The following COMMD1 variants were observed in gnomAD, a reference collection of about 807,000 sequenced individuals.
COMMD1 encodes the protein copper metabolism domain containing 1.
A neutral mutation model predicts 17.2 loss-of-function variants in COMMD1; 10 were observed. The ratio of observed to expected loss-of-function variants is 0.58; its 90% CI spans 0.36 to 0.99. COMMD1 has a LOEUF of 0.99. Among genes scored for constraint, COMMD1 ranks in the 50% least tolerant of loss-of-function variants. The pLI, the probability that COMMD1 is intolerant of heterozygous loss-of-function variation, is 0.01. For missense variants in COMMD1, 270 were observed against 231.8 expected, an observed-to-expected ratio of 1.17 and a Z score of -1.07; for synonymous variants, 97 against 91.6, an observed-to-expected ratio of 1.06 and a Z score of -0.34.
rs370907564 is a variant in COMMD1, at chr2:61,905,710, C to T, written c.32C>T (p.Pro11Leu). 1.5e-5 allele frequency: 24 copies of T among 1,599,724 alleles called. No individual in the cohort carries two copies. Among genetic ancestry groups the T allele is most frequent in the African/African-American group, 2.7e-5 (2 of 74,780 alleles). Residue 11 changes from proline to leucine, a missense_variant, in exon 1 of 3, where the codon CCC becomes CTC. Physicochemically the swap from Pro to Leu is moderately conservative, Grantham distance 98 (BLOSUM62 -3). Transcript: ENST00000311832. MAAGELEGGK[P>L]LSGLLNALAQ... ...GCGGGCGAGCTTGAGGGTGGCAAAC[C>T]CCTGAGCGGGCTGCTGAATGCGCTG...
rs995195067 is a variant in COMMD1 at position 61,898,460 on chromosome 2, A to G, written n.119+9618A>G. Among the ~76,000 whole-genome samples, 3 of 152,292 alleles carry G rather than the reference A, an allele frequency of 2.0e-5. No individual in the cohort carries two copies. The South Asian group carries it at 6.2e-4, about 32-fold the overall frequency. ...CACTGCACTGCAGCCTGGATGACAG[A>G]GTGAGACCCTGTCTCAAGAAAATAA... is the stretch of plus-strand genomic sequence containing the variant. On this transcript the variant is annotated intron_variant and non_coding_transcript_variant, in intron 1 of 2. Coordinates refer to the COMMD1 transcript ENST00000472729.
At chr2:62,049,489 T>C (rs972879067) in intron 2 of COMMD1, among the ~76,000 whole-genome samples, 3 of 152,106 alleles carry the variant, frequency 2.0e-5, no homozygotes, top group Middle Eastern at 3.2e-3. Context: ...GCTACTGATA[T>C]CTAGTGGATA....
chr2:62,119,495 CT>C (rs1672690053), intron 2 of COMMD1, among the ~76,000 whole-genome samples: 1 of 152,184 alleles, frequency 6.6e-6, no homozygotes, highest in African/African-American at 2.4e-5. Context: ...AAATCCAAAA[CT>C]TTTTTTCCCC....
At chr2:62,099,249 TA>T (rs1672105706) in intron 2 of COMMD1, among the ~76,000 whole-genome samples, 1 of 152,144 alleles carries the variant, frequency 6.6e-6, no homozygotes, top group South Asian at 2.1e-4. Context: ...AAATTTTTTT[TA>T]ACTTCCTAAA....
intron 1 of COMMD1, among the ~76,000 whole-genome samples, chr2:61,958,732 T>C (rs945354426): frequency 5.3e-5 from 8 of 152,210 alleles, no homozygotes; most frequent in Non-Finnish European, 1.2e-4. Flanking sequence ...TATAAATTTA[T>C]ATATTTTTAT....
At chr2:62,046,057 C>T (rs1335855345) in intron 2 of COMMD1, among the ~76,000 whole-genome samples, 5 of 152,166 alleles carry the variant, frequency 3.3e-5, no homozygotes. Flanking sequence ...TTATAAATTC[C>T]TCCCAATGTC....
chr2:61,893,691 A>G (rs1401371338), intron 1 of COMMD1, among the ~76,000 whole-genome samples: 2 of 152,008 alleles, frequency 1.3e-5, no homozygotes, highest in African/African-American at 4.8e-5. Flanking sequence ...GCACATGCCT[A>G]TAATCTCAGC....
At chr2:62,002,946 T>G (rs1668994401) in intron 2 of COMMD1, among the ~76,000 whole-genome samples, 1 of 151,854 alleles carries the variant, frequency 6.6e-6, no homozygotes, top group Non-Finnish European at 1.5e-5. Flanking sequence ...TAAAGTCAGT[T>G]CTCTTGCTGG....
chr2:61,965,421 C>A (rs1163605521), intron 1 of COMMD1, among the ~76,000 whole-genome samples: 1 of 152,274 alleles, frequency 6.6e-6, no homozygotes, highest in Admixed American at 6.5e-5. Flanking sequence ...ATAGGACCTT[C>A]AGAAAAACCA....
intron 1 of COMMD1, among the ~76,000 whole-genome samples, chr2:61,981,666 C>T (rs928901178): frequency 6.6e-6 from 1 of 152,070 alleles, no homozygotes; most frequent in African/African-American, 2.4e-5. Context: ...AGGTGAAAGG[C>T]ACATCTCACA....
At chr2:62,070,659 A>G (rs996589376) in intron 2 of COMMD1, among the ~76,000 whole-genome samples, 5 of 152,232 alleles carry the variant, frequency 3.3e-5, no homozygotes, top group African/African-American at 1.2e-4. Context: ...CCAGACCCCA[A>G]AAGGGTTCTT....
intron 2 of COMMD1, among the ~76,000 whole-genome samples, chr2:62,028,812 T>C (rs1013958369): frequency 4.6e-5 from 7 of 152,236 alleles, no homozygotes; most frequent in African/African-American, 1.7e-4. Flanking sequence ...GAACACTTGC[T>C]TGATGAATAC....
intron 2 of COMMD1, among the ~76,000 whole-genome samples, chr2:62,009,760 T>G (rs1199413092): frequency 6.6e-6 from 1 of 152,032 alleles, no homozygotes; most frequent in Non-Finnish European, 1.5e-5. Flanking sequence ...ACATACTTTG[T>G]GGAGAAGGGA....
intron 1 of COMMD1, among the ~76,000 whole-genome samples, chr2:61,907,628 A>C (rs922255041): frequency 6.6e-6 from 1 of 152,130 alleles, no homozygotes; most frequent in African/African-American, 2.4e-5. Context: ...ATTTTGATTC[A>C]TTTGTTTTGT....
intron 2 of COMMD1, among the ~76,000 whole-genome samples, chr2:62,111,490 A>G (rs1431303467): frequency 6.6e-6 from 1 of 152,296 alleles, no homozygotes; most frequent in African/African-American, 2.4e-5. Flanking sequence ...CTTTCGGTTC[A>G]GATTCTTATT....
chr2:62,090,929 A>G (rs1264975979), intron 2 of COMMD1: 1 of 152,220 alleles, frequency 6.6e-6, no homozygotes, highest in Non-Finnish European at 1.5e-5. Flanking sequence ...AGTACCTTTG[A>G]GCCTCATTTA....
chr2:62,019,106 TC>T lies in COMMD1; in HGVS notation c.462+18127del, dbSNP rs1669538720. Among the ~76,000 whole-genome samples the T allele has an allele frequency of 5.7e-5, 3 of 52,446 alleles. No homozygotes were observed. In the Admixed American group the frequency reaches 6.8e-4, roughly 12 times the overall value. 34.4% of individuals were successfully genotyped at this position (52,446 alleles called of 152,430 possible). On this transcript the variant is annotated intron_variant, in intron 2 of 2. Transcript: ENST00000311832. ...TCTTTCTTTCTCTCTCTCTCTTCCCTCCCTCCCTCCCTCCCTCCCTCCCTCC... is the reference window on the plus strand; with the variant it reads ...TCTTTCTTTCTCTCTCTCTCTTCCCTCCTCCCTCCCTCCCTCCCTCCCTCC...
intron 1 of COMMD1, among the ~76,000 whole-genome samples, chr2:61,943,953 G>C (rs1670837639): frequency 6.6e-6 from 1 of 152,186 alleles, no homozygotes; most frequent in African/African-American, 2.4e-5. Flanking sequence ...ACGTTGTAGG[G>C]GGTCAACCCT....
chr2:61,896,555 G>T (rs1465388331), intron 1 of COMMD1, among the ~76,000 whole-genome samples: 1 of 152,086 alleles, frequency 6.6e-6, no homozygotes. Flanking sequence ...GCACTGGGTG[G>T]CAGAGTGAGA....
Sources: gnomAD v4.1 joint callset for allele counts (sites outside exome capture counted in the v4.1 genomes callset) on GRCh38, gnomAD v4.1.1 for gene constraint, MANE v1.5 for transcripts, NCBI Gene and HGNC (gene_info 2026-07-23, HGNC 2026-07-21) for gene names.